Variants in ALK observed in about 807,000 individuals in gnomAD.
ALK encodes ALK receptor tyrosine kinase.
In ALK, 74 loss-of-function variants were observed where a neutral mutation model predicts 163.1. The ratio of observed to expected loss-of-function variants is 0.45; its 90% confidence interval spans 0.38 to 0.55. The LOEUF (loss-of-function observed/expected upper bound fraction) is 0.55, where lower values mean the gene tolerates loss of function less well. Among genes scored for constraint, ALK ranks in the 20% least tolerant of loss-of-function variants. The pLI is 0.00. For synonymous variants in ALK, 960 were observed against 843.2 expected, an observed-to-expected ratio of 1.14 and a Z score of -2.40; for missense variants, 2,063 against 2,105.3, an observed-to-expected ratio of 0.98 and a Z score of 0.39.
At chr2:29,752,295 G>A (rs1253913063) in intron 1 of ALK, among the ~76,000 whole-genome samples, 1 of 150,614 alleles carries the variant, frequency 6.6e-6, no homozygotes, top group East Asian at 2.0e-4. Flanking sequence ...AGGCTATGAT[G>A]TTTGGTAGCT....
chr2:29,486,966 G>A (rs1573394515), intron 4 of ALK, among the ~76,000 whole-genome samples: 1 of 152,290 alleles, frequency 6.6e-6, no homozygotes, highest in South Asian at 2.1e-4. Flanking sequence ...TTTAAAAAAT[G>A]TAAGCTTTTC....
chr2:29,611,817 C>G (rs1675700154), intron 3 of ALK, among the ~76,000 whole-genome samples: 1 of 152,170 alleles, frequency 6.6e-6, no homozygotes. Context: ...TTGTATCCAC[C>G]ATGATTGTAA....
At chr2:29,248,772 TTAA>T (rs762264835) in intron 12 of ALK, among the ~76,000 whole-genome samples, 11 of 152,266 alleles carry the variant, frequency 7.2e-5, no homozygotes, top group Non-Finnish European at 1.3e-4. Context: ...ATGGCTGTGA[TTAA>T]TAATAAATGG....
chr2:29,883,580 C>G (rs58010660), intron 1 of ALK, among the ~76,000 whole-genome samples: 1 of 152,152 alleles, frequency 6.6e-6, no homozygotes, highest in Non-Finnish European at 1.5e-5. Flanking sequence ...GTAAAGAATG[C>G]TGAATTGAAA....
At chr2:29,195,052 C>T (rs915862125) in intron 28 of ALK, among the ~76,000 whole-genome samples, 5 of 152,114 alleles carry the variant, frequency 3.3e-5, no homozygotes, top group Non-Finnish European at 5.9e-5. Context: ...CAGAAAAACA[C>T]GAGTGTTCGA....
At chr2:29,445,438 C>T (rs1387254565) in intron 4 of ALK, among the ~76,000 whole-genome samples, 1 of 152,200 alleles carries the variant, frequency 6.6e-6, no homozygotes, top group African/African-American at 2.4e-5. Flanking sequence ...GGCTGGGTAA[C>T]GCTCTTCCAG....
intron 1 of ALK, among the ~76,000 whole-genome samples, chr2:29,809,056 G>C (rs1664686597): frequency 6.6e-6 from 1 of 152,180 alleles, no homozygotes; most frequent in Admixed American, 6.5e-5. Context: ...GTGGAATAAT[G>C]AGTCCCTTAT....
Position 29,495,553 on chromosome 2 carries a change from C to A in ALK, c.1154+36362G>T, listed in dbSNP as rs548307575. On this transcript the variant is annotated intron_variant, in intron 4 of 28. Transcript: ENST00000389048. ...TGGTGGTTTTCTTACCCTCCCCACA[C>A]CTTTGTAAAGAATCTCCCTGATTAG... Among the ~76,000 whole-genome samples the A allele has an allele frequency of 8.5e-5, 13 of 152,292 alleles. 1 individual carries two copies. Among genetic ancestry groups the A allele is most frequent in the African/African-American group, 2.6e-4 (11 of 41,554 alleles).
intron 1 of ALK, among the ~76,000 whole-genome samples, chr2:29,743,544 A>T (rs187730325): frequency 1.9e-3 from 290 of 152,354 alleles, no homozygotes; most frequent in Non-Finnish European, 3.1e-3. Flanking sequence ...TCCTTTTGTC[A>T]TTAGTGAGCC....
In ALK at chr2:29,701,614, C is replaced by A. The variant is rs559439311; in HGVS notation, c.788-6600G>T. 2.6e-5 allele frequency among the ~76,000 whole-genome samples: 4 copies of A among 152,268 alleles called. No homozygotes were observed. The East Asian group carries it at 7.7e-4, about 29-fold the overall frequency. On this transcript the variant is annotated intron_variant, in intron 2 of 28. Transcript: ENST00000389048. ...GGAGGTCTTACTTTCTTGTTCCTGG[C>A]AACGCATGCTGTAGTGTGTATAGAA...
intron 1 of ALK, among the ~76,000 whole-genome samples, chr2:29,723,587 G>A (rs1573584589): frequency 6.6e-6 from 1 of 152,196 alleles, no homozygotes; most frequent in East Asian, 1.9e-4. Context: ...CTGGAGGAAG[G>A]TGTTATCTCT....
chr2:29,336,093 C>T (rs1410977654), intron 5 of ALK, among the ~76,000 whole-genome samples: 1 of 152,146 alleles, frequency 6.6e-6, no homozygotes, highest in Non-Finnish European at 1.5e-5. Flanking sequence ...AGGCAATTCT[C>T]AGGGGCATAT....
At chr2:29,792,517 T>A (rs1664213037) in intron 1 of ALK, among the ~76,000 whole-genome samples, 1 of 152,110 alleles carries the variant, frequency 6.6e-6, no homozygotes, top group South Asian at 2.1e-4. Flanking sequence ...CAAAACTCAA[T>A]GGAAACACAA....
intron 1 of ALK, among the ~76,000 whole-genome samples, chr2:29,908,384 G>A (rs576496399): frequency 3.3e-5 from 5 of 151,772 alleles, no homozygotes; most frequent in East Asian, 3.9e-4. Flanking sequence ...CTAGCCAATT[G>A]TTCTTCATCT....
At chr2:29,451,011 AAAT>A (rs1670807464) in intron 4 of ALK, among the ~76,000 whole-genome samples, 1 of 152,210 alleles carries the variant, frequency 6.6e-6, no homozygotes, top group Non-Finnish European at 1.5e-5. Flanking sequence ...TGATTTGTGT[AAAT>A]AAACACACAC....
intron 3 of ALK, among the ~76,000 whole-genome samples, chr2:29,653,013 C>A (rs1045046683): frequency 2.0e-5 from 3 of 152,126 alleles, no homozygotes; most frequent in Non-Finnish European, 4.4e-5. Flanking sequence ...GTTCCTAAGG[C>A]TTGGACTTAA....
At chr2:29,423,642 T>C (rs1280897650) in intron 4 of ALK, among the ~76,000 whole-genome samples, 1 of 152,204 alleles carries the variant, frequency 6.6e-6, no homozygotes, top group African/African-American at 2.4e-5. Flanking sequence ...TAGAAAAATG[T>C]ACATTGCAGA....
intron 15 of ALK, among the ~76,000 whole-genome samples, chr2:29,231,832 G>A (rs574897980): frequency 7.9e-5 from 12 of 152,278 alleles, no homozygotes; most frequent in Non-Finnish European, 1.3e-4. Context: ...AATGAGGGAG[G>A]AGAGCTCAGC....
rs182501386 is a variant in ALK, at chr2:29,815,031, C to T, written c.668-97334G>A. Among the ~76,000 whole-genome samples the T allele has an allele frequency of 1.4e-3, 213 of 147,764 alleles. 1 individual carries two copies. Among genetic ancestry groups the T allele is most frequent in the African/African-American group, 5.2e-3 (208 of 39,678 alleles). On this transcript the variant is annotated intron_variant, in intron 1 of 28. Coordinates refer to ENST00000389048, the MANE Select transcript of ALK (RefSeq NM_004304.5). ...GTGGACGGACTCGGCCTCAGTGTAA[C>T]ATCTAGCATCTAGTATGGTGCGGGC...
Sources: gnomAD v4.1 joint callset for allele counts (sites outside exome capture counted in the v4.1 genomes callset) on GRCh38, gnomAD v4.1.1 for gene constraint, MANE v1.5 for transcripts, NCBI Gene and HGNC (gene_info 2026-07-23, HGNC 2026-07-21) for gene names.